Variants in SNTB2 observed in about 807,000 individuals in gnomAD.
The protein encoded by SNTB2 is beta-2-syntrophin.
In SNTB2, 34 loss-of-function variants were observed where a neutral mutation model predicts 46.2. The observed-to-expected ratio is 0.74, with a 90% CI of 0.56 to 0.98. The LOEUF is 0.98. Among genes scored for constraint, SNTB2 ranks in the 50% least tolerant of loss-of-function variants. The pLI, the probability that SNTB2 is intolerant of heterozygous loss-of-function variation, is 0.00. For missense variants in SNTB2, 603 were observed against 731.4 expected (o/e 0.82, Z 2.02); for synonymous variants, 290 against 312.6 (o/e 0.93, Z 0.76).
At chr16:69,261,052 GA>G (rs1193338057) in intron 3 of SNTB2, among the ~76,000 whole-genome samples, 2 of 151,494 alleles carry the variant, frequency 1.3e-5, no homozygotes, top group African/African-American at 4.8e-5. Flanking sequence ...AGAGGGGCTT[GA>G]AAAAAAAGGA....
At chr16:69,275,386 T>G (rs1964977655) in intron 4 of SNTB2, among the ~76,000 whole-genome samples, 1 of 152,180 alleles carries the variant, frequency 6.6e-6, no homozygotes, top group Admixed American at 6.5e-5. Context: ...CTTAATAAGT[T>G]TAATTAATGT....
intron 5 of SNTB2, among the ~76,000 whole-genome samples, chr16:69,287,112 T>G (rs903250968): frequency 6.6e-6 from 1 of 152,246 alleles, no homozygotes; most frequent in Non-Finnish European, 1.5e-5. Flanking sequence ...TAAGGTTGGT[T>G]TCTTTCCATT....
At position 69,270,398 on chromosome 16, in the gene SNTB2, G is replaced by T. The variant is rs1964926651; in HGVS notation, c.1148+113G>T. ...TGCCTAAAAGAGCATTTAAGTAGCG[G>T]ATATAGTTGATGCAGACAAAAATTT... On this transcript the variant is annotated intron_variant, in intron 4 of 6. Coordinates refer to ENST00000336278, the MANE Select transcript of SNTB2 (RefSeq NM_006750.4). 3.1e-6 allele frequency: 4 copies of T among 1,308,306 alleles called. No individual in the cohort carries two copies. In the African/African-American group the frequency reaches 4.5e-5, roughly 15 times the overall value. 81.0% of individuals were successfully genotyped at this position (1,308,306 alleles called of 1,614,324 possible).
intron 6 of SNTB2, among the ~76,000 whole-genome samples, chr16:69,300,298 T>A (rs1014854568): frequency 6.6e-6 from 1 of 152,186 alleles, no homozygotes; most frequent in Admixed American, 6.5e-5. Flanking sequence ...TCGCCCAGGC[T>A]GGAGTGCAGT....
At chr16:69,268,354 G>T (rs948659856) in intron 3 of SNTB2, among the ~76,000 whole-genome samples, 1 of 151,956 alleles carries the variant, frequency 6.6e-6, no homozygotes, top group African/African-American at 2.4e-5. Flanking sequence ...ATCTCAGGTA[G>T]TTGGGAGGCT....
chr16:69,291,915 C>G (rs1218380098), intron 5 of SNTB2, among the ~76,000 whole-genome samples: 1 of 142,246 alleles, frequency 7.0e-6, no homozygotes, highest in Non-Finnish European at 1.5e-5. Context: ...AGAGTAAGAC[C>G]CTGTCTTAAA....
At chr16:69,274,021 C>T (rs1027812587) in intron 4 of SNTB2, among the ~76,000 whole-genome samples, 1 of 152,036 alleles carries the variant, frequency 6.6e-6, no homozygotes, top group African/African-American at 2.4e-5. Flanking sequence ...TTGTAAAAAG[C>T]ATAATAATTA....
intron 2 of SNTB2, among the ~76,000 whole-genome samples, chr16:69,250,083 A>G (rs1034333211): frequency 1.3e-5 from 2 of 152,198 alleles, no homozygotes; most frequent in Non-Finnish European, 2.9e-5. Flanking sequence ...TGTCTCAAAA[A>G]AAAATTTTTA....
intron 1 of SNTB2, among the ~76,000 whole-genome samples, chr16:69,223,670 C>A (rs969627007): frequency 3.3e-5 from 5 of 152,018 alleles, no homozygotes; most frequent in Admixed American, 2.6e-4. Context: ...GCTCTGTCAT[C>A]CAGGCTGGAG....
intron 1 of SNTB2, among the ~76,000 whole-genome samples, chr16:69,206,724 A>G (rs560977743): frequency 8.6e-5 from 13 of 151,590 alleles, no homozygotes; most frequent in East Asian, 3.9e-4. Context: ...AATATCTTCT[A>G]TAAGCCTTTG....
At chr16:69,266,943 C>A (rs1365541806) in intron 3 of SNTB2, among the ~76,000 whole-genome samples, 1 of 152,066 alleles carries the variant, frequency 6.6e-6, no homozygotes, top group African/African-American at 2.4e-5. Context: ...AGTGATCTGC[C>A]CACTTGGGCC....
intron 1 of SNTB2, among the ~76,000 whole-genome samples, chr16:69,245,149 G>A (rs1224703615): frequency 6.6e-6 from 1 of 152,112 alleles, no homozygotes; most frequent in African/African-American, 2.4e-5. Context: ...CTATCTCCAG[G>A]GGATTCATGG....
At position 69,307,751 on chromosome 16, in the gene SNTB2, C is replaced by G. The variant is rs1263232148; in HGVS notation, c.*6827C>G. 4 of 150,986 alleles carry G rather than the reference C, an allele frequency of 2.6e-5. No individual in the cohort carries two copies. Among genetic ancestry groups the G allele is most frequent in the Admixed American group, 1.3e-4 (2 of 15,140 alleles). 9.4% of individuals were successfully genotyped at this position (150,986 alleles called of 1,614,324 possible). On this transcript the variant is annotated 3_prime_UTR_variant, in exon 7 of 7. Transcript: ENST00000336278. ...CTTTAGCCCAGGAGGTCCAGACCAG[C>G]CTGGGCAACACAGCGGGACCCCGAC...
At chr16:69,241,244 T>G (rs1964611546) in intron 1 of SNTB2, among the ~76,000 whole-genome samples, 1 of 128,666 alleles carries the variant, frequency 7.8e-6, no homozygotes, top group Admixed American at 9.1e-5. Flanking sequence ...TGGCACAATC[T>G]CAGCTCACTG....
At chr16:69,224,358 C>G (rs1264010884) in intron 1 of SNTB2, among the ~76,000 whole-genome samples, 1 of 151,604 alleles carries the variant, frequency 6.6e-6, no homozygotes, top group Non-Finnish European at 1.5e-5. Context: ...ATTACAGGCT[C>G]GCGCCACCAC....
chr16:69,230,625 T>A (rs1050967255), intron 1 of SNTB2, among the ~76,000 whole-genome samples: 6 of 152,062 alleles, frequency 3.9e-5, no homozygotes, highest in African/African-American at 1.4e-4. Flanking sequence ...CCTCCCAAAG[T>A]GCTGGGATTA....
chr16:69,294,577 A>C lies in SNTB2; in HGVS notation c.1346-5013A>C, dbSNP rs560299461. On this transcript the variant is annotated intron_variant, in intron 5 of 6. Coordinates refer to ENST00000336278, the MANE Select transcript of SNTB2 (RefSeq NM_006750.4). ...TATCTCTACTGAAAAAAAAAAAAAT[A>C]CAAAAATTAGCAGGGCGTTGTGGTG... is the stretch of plus-strand genomic sequence containing the variant. 8.9e-4 allele frequency among the ~76,000 whole-genome samples: 135 copies of C among 151,574 alleles called. 2 individuals carry two copies. The highest frequency in any genetic ancestry group is 2.8e-3 in the Admixed American group (42 of 15,202).
intron 1 of SNTB2, among the ~76,000 whole-genome samples, chr16:69,215,454 TCTC>T (rs1964337697): frequency 6.6e-6 from 1 of 152,212 alleles, no homozygotes; most frequent in African/African-American, 2.4e-5. Flanking sequence ...ACGTGTATGT[TCTC>T]CTACTCATTC....
chr16:69,281,946 C>A (rs1317990579), intron 4 of SNTB2, among the ~76,000 whole-genome samples: 2 of 137,810 alleles, frequency 1.5e-5, no homozygotes, highest in African/African-American at 5.5e-5. Flanking sequence ...GCTCTTGTTG[C>A]CCAGGCTGGA....
Sources: allele counts gnomAD v4.1 joint callset (sites outside exome capture counted in the v4.1 genomes callset), GRCh38; gene constraint gnomAD v4.1.1; transcripts MANE v1.5; gene names NCBI Gene and HGNC (gene_info 2026-07-23, HGNC 2026-07-21).